The following VPS13B variants were observed in gnomAD, a reference collection of about 807,000 sequenced individuals.
VPS13B encodes intermembrane lipid transfer protein VPS13B.
In VPS13B, 285 loss-of-function variants were observed where a neutral mutation model predicts 426.4. That is an observed-to-expected ratio of 0.67 (90% confidence interval 0.61 to 0.74). The LOEUF is 0.74. Ranked by LOEUF, VPS13B falls within the 30% of genes least tolerant of loss-of-function variation. VPS13B has a pLI of 0.00. For missense variants in VPS13B, 4,537 were observed against 4,782.6 expected (o/e 0.95, Z 1.51); for synonymous variants, 1,676 against 1,676.4 (o/e 1.00, Z 0.01).
At chr8:99,556,153 T>G (rs1293926450) in intron 30 of VPS13B, among the ~76,000 whole-genome samples, 1 of 152,172 alleles carries the variant, frequency 6.6e-6, no homozygotes, top group South Asian at 2.1e-4. Context: ...CCTCAGAGCA[T>G]CTCAGGGATT....
rs1162639808 is a variant in VPS13B at position 99,425,617 on chromosome 8, T to C, written c.3083-5920T>C. Among the ~76,000 whole-genome samples the C allele has an allele frequency of 5.9e-5, 9 of 152,302 alleles. 1 individual carries two copies. Among genetic ancestry groups the C allele is most frequent in the African/African-American group, 2.2e-4 (9 of 41,574 alleles). On this transcript the variant is annotated intron_variant, in intron 21 of 61. Transcript: ENST00000357162. ...AACCCACAGCCAATATCATACTGAA[T>C]GGGCAAAAACTGGAAGCATTCCCTT...
chr8:99,344,525 A>C (rs1296493091), intron 19 of VPS13B, among the ~76,000 whole-genome samples: 1 of 152,198 alleles, frequency 6.6e-6, no homozygotes, highest in Admixed American at 6.5e-5. Flanking sequence ...AAGTAGCAGT[A>C]CCACATTATA....
At chr8:99,339,376 A>T (rs1435458844) in intron 19 of VPS13B, among the ~76,000 whole-genome samples, 1 of 152,098 alleles carries the variant, frequency 6.6e-6, no homozygotes, top group South Asian at 2.1e-4. Context: ...GGGAAGGTGG[A>T]GGTGGAGTAG....
At chr8:99,713,052 TACAATATCAGTATTTAGC>T (rs1832768532) in intron 36 of VPS13B, among the ~76,000 whole-genome samples, 1 of 152,214 alleles carries the variant, frequency 6.6e-6, no homozygotes, top group Non-Finnish European at 1.5e-5. Flanking sequence ...ATAATTTTAG[TACAATATCAGTATTTAGC>T]ACAATATCAG....
chr8:99,824,604 T>C (rs1392253267), intron 51 of VPS13B, among the ~76,000 whole-genome samples: 3 of 152,194 alleles, frequency 2.0e-5, no homozygotes, highest in African/African-American at 7.2e-5. Flanking sequence ...CTTTTTTTTT[T>C]TTTAATTATA....
chr8:99,865,392 T>C (rs572674247), intron 58 of VPS13B, among the ~76,000 whole-genome samples: 1 of 152,356 alleles, frequency 6.6e-6, no homozygotes, highest in East Asian at 1.9e-4. Context: ...GGATGCTTCC[T>C]GGTTTGTGAT....
intron 19 of VPS13B, among the ~76,000 whole-genome samples, chr8:99,373,572 G>A (rs1200452552): frequency 2.6e-5 from 4 of 152,164 alleles, no homozygotes; most frequent in Admixed American, 1.3e-4. Flanking sequence ...AACTTAGGCC[G>A]AGCACTGTGG....
Position 99,557,681 on chromosome 8 carries a change from A to T in VPS13B, c.4949+1028A>T, listed in dbSNP as rs564509516. ...ACCTAGTGGTGAGACTGCTGGATTG[A>T]ATGGTAGTTCTACTTTTAGTTCTTT... On this transcript the variant is annotated intron_variant, in intron 31 of 61. Transcript: ENST00000357162. 3.9e-5 allele frequency among the ~76,000 whole-genome samples: 6 copies of T among 152,238 alleles called. No individual in the cohort carries two copies. The East Asian group carries it at 5.8e-4, about 15-fold the overall frequency.
chr8:99,481,778 T>C lies in VPS13B; in HGVS notation c.3846T>C (p.Ser1282=). The C allele has an allele frequency of 1.9e-6, 3 of 1,613,946 alleles. No homozygotes were observed. Among genetic ancestry groups the C allele is most frequent in the Non-Finnish European group, 2.5e-6 (3 of 1,179,814 alleles). Residue 1282 remains serine, a synonymous_variant, in exon 25 of 62, where the codon TCT becomes TCC. Coordinates refer to ENST00000357162, the MANE Select transcript of VPS13B (RefSeq NM_152564.5). ...CAGATACCAGCACATGCAGCCCATC[T>C]GCTGACATTGGGACTACTACTGAGG... is the stretch of plus-strand genomic sequence containing the variant. ...APPDTSTCSP[S]ADIGTTTEGD...
At position 99,282,867 on chromosome 8, in the gene VPS13B, A is replaced by G. The variant is rs1410090934; in HGVS notation, c.2824+7613A>G. ...TTTTTTAACTTTACCAAATTGTGATAAATTAAAAATAATTTAAAATTTTAC... is the reference window on the plus strand; with the variant it reads ...TTTTTTAACTTTACCAAATTGTGATGAATTAAAAATAATTTAAAATTTTAC... On this transcript the variant is annotated intron_variant, in intron 19 of 61. Transcript: ENST00000357162. 1.6e-4 allele frequency among the ~76,000 whole-genome samples: 25 copies of G among 152,216 alleles called. 1 individual carries two copies.
At chr8:99,117,415 A>G (rs1464988662) in intron 7 of VPS13B, among the ~76,000 whole-genome samples, 2 of 152,202 alleles carry the variant, frequency 1.3e-5, no homozygotes, top group Non-Finnish European at 2.9e-5. Flanking sequence ...TAGAGTTACC[A>G]TGTTGACCCA....
At chr8:99,144,971 A>G (rs948436382) in intron 13 of VPS13B, among the ~76,000 whole-genome samples, 2 of 152,210 alleles carry the variant, frequency 1.3e-5, no homozygotes, top group South Asian at 2.1e-4. Context: ...TAACTTGTGA[A>G]TGATGTAACG....
chr8:99,086,817 A>T (rs1845836459), intron 3 of VPS13B, among the ~76,000 whole-genome samples: 1 of 152,084 alleles, frequency 6.6e-6, no homozygotes, highest in African/African-American at 2.4e-5. Context: ...TTCCTCTGGA[A>T]GCTTTGTCTC....
chr8:99,568,612 C>G lies in VPS13B; in HGVS notation c.4950-7046C>G, dbSNP rs1271197434. Among the ~76,000 whole-genome samples, 4 of 151,466 alleles carry G rather than the reference C, an allele frequency of 2.6e-5. No individual in the cohort carries two copies. In the East Asian group the frequency reaches 7.8e-4, roughly 30 times the overall value. On this transcript the variant is annotated intron_variant, in intron 31 of 61. Coordinates refer to ENST00000357162, the MANE Select transcript of VPS13B (RefSeq NM_152564.5). Reference sequence around the variant, plus strand: ...GGCCAACTATTTCATTTTTTAAGTTCCTATAGGATTTAAATTATTTATCTT... The same window carrying G: ...GGCCAACTATTTCATTTTTTAAGTTGCTATAGGATTTAAATTATTTATCTT...
At chr8:99,267,238 C>G (rs1394629279) in intron 17 of VPS13B, among the ~76,000 whole-genome samples, 1 of 152,116 alleles carries the variant, frequency 6.6e-6, no homozygotes, top group Non-Finnish European at 1.5e-5. Context: ...TTGTTGGGAA[C>G]TGGAGAAAAG....
intron 19 of VPS13B, among the ~76,000 whole-genome samples, chr8:99,359,289 T>A (rs1330839859): frequency 6.6e-6 from 1 of 152,188 alleles, no homozygotes; most frequent in Non-Finnish European, 1.5e-5. Context: ...CAAGATTCTA[T>A]TTTAGAGTTT....
intron 54 of VPS13B, among the ~76,000 whole-genome samples, chr8:99,843,127 C>T: frequency 6.6e-6 from 1 of 152,144 alleles, no homozygotes; most frequent in East Asian, 1.9e-4. Flanking sequence ...TCACTCCATC[C>T]TGGGTAACAG....
At chr8:99,020,054 C>A (rs1340090692) in intron 2 of VPS13B, among the ~76,000 whole-genome samples, 1 of 152,120 alleles carries the variant, frequency 6.6e-6, no homozygotes, top group Non-Finnish European at 1.5e-5. Context: ...AATCACCATA[C>A]TGTTTTCCAC....
chr8:99,224,721 C>T (rs1046318584), intron 17 of VPS13B, among the ~76,000 whole-genome samples: 8 of 152,064 alleles, frequency 5.3e-5, no homozygotes, highest in African/African-American at 7.2e-5. Context: ...CTCATGTCTT[C>T]GTATATACAT....
Sources: gnomAD v4.1 joint callset for allele counts (sites outside exome capture counted in the v4.1 genomes callset) on GRCh38, gnomAD v4.1.1 for gene constraint, MANE v1.5 for transcripts, NCBI Gene and HGNC (gene_info 2026-07-23, HGNC 2026-07-21) for gene names.